DENND6A: variants seen among roughly 807,000 people sequenced by gnomAD.
DENND6A encodes protein DENND6A.
DENND6A carries 43 observed loss-of-function variants against 95.5 expected under a neutral mutation model. That is an observed-to-expected ratio of 0.45 (90% CI 0.35 to 0.58). The LOEUF is 0.58. DENND6A is among the 20% of genes least tolerant of loss of function. The pLI is 0.00. For synonymous variants in DENND6A, 257 were observed against 260.4 expected, an observed-to-expected ratio of 0.99 and a Z score of 0.13; for missense variants, 574 against 736.0, an observed-to-expected ratio of 0.78 and a Z score of 2.55.
In DENND6A at chr3:57,681,356, C is replaced by T. The variant is rs552044647; in HGVS notation, c.238-8918G>A. On this transcript the variant is annotated intron_variant, in intron 1 of 19. Coordinates refer to ENST00000311128, the MANE Select transcript of DENND6A (RefSeq NM_152678.3). The stretch of plus-strand genomic sequence containing the variant: ...GCGGGCACCTGTAGTCCCAGCTACT[C>T]GGGAGGCTAAGGCAGGAGAATGGCA... Among the ~76,000 whole-genome samples the T allele has an allele frequency of 1.4e-4, 22 of 151,880 alleles. No individual in the cohort carries two copies. In the South Asian group the frequency reaches 2.5e-3, roughly 17 times the overall value.
In DENND6A at chr3:57,692,878, G is replaced by C; in HGVS notation, c.141C>G (p.Gly47=). The change falls in exon 1 of 20, where the codon GGC becomes GGG. Residue 47 remains glycine (G), a synonymous_variant. Coordinates refer to ENST00000311128, the MANE Select transcript of DENND6A (RefSeq NM_152678.3). ...CCCAGCGCAGCAGGCCCCGGCCACG[G>C]CCATCGTCCTCTTCATCGTCCTCTG... ...GAPEDDEEDD[G]RGRGLLRWDS... is the part of the protein sequence containing the mutation. 1.3e-6 allele frequency: 2 copies of C among 1,583,546 alleles called. No individual in the cohort carries two copies. Among genetic ancestry groups the C allele is most frequent in the Non-Finnish European group, 1.7e-6 (2 of 1,169,302 alleles).
chr3:57,683,226 C>A (rs2077182324), intron 1 of DENND6A, among the ~76,000 whole-genome samples: 2 of 152,050 alleles, frequency 1.3e-5, no homozygotes, highest in Non-Finnish European at 2.9e-5. Context: ...ATGAGTAATA[C>A]AGATAGAATT....
intron 10 of DENND6A, among the ~76,000 whole-genome samples, chr3:57,646,043 T>A: frequency 6.6e-6 from 1 of 152,274 alleles, no homozygotes; most frequent in South Asian, 2.1e-4. Context: ...CAAGTAATAT[T>A]TATCAAGGAA....
intron 1 of DENND6A, among the ~76,000 whole-genome samples, chr3:57,690,931 T>C (rs2077258587): frequency 6.6e-6 from 1 of 152,190 alleles, no homozygotes; most frequent in South Asian, 2.1e-4. Flanking sequence ...TTCATATTTT[T>C]AAAAGATCCA....
chr3:57,659,928 T>C (rs1350728001), intron 7 of DENND6A, among the ~76,000 whole-genome samples: 1 of 152,230 alleles, frequency 6.6e-6, no homozygotes, highest in East Asian at 1.9e-4. Flanking sequence ...CTGGAGGCAC[T>C]GGCAGGGCCA....
At chr3:57,634,886 C>G in intron 12 of DENND6A, 117 bp from the exon 13 acceptor site, 1 of 804,954 alleles carries the variant, frequency 1.2e-6, no homozygotes, top group Non-Finnish European at 1.8e-6. Context: ...TGAAAGGATT[C>G]TTAACATCTA....
chr3:57,672,489 A>C, intron 1 of DENND6A, 51 bp from the exon 2 acceptor site: 1 of 1,568,550 alleles, frequency 6.4e-7, no homozygotes. Flanking sequence ...CATTAGTTAT[A>C]AACATATTAT....
chr3:57,635,260 T>G (rs1188195441), intron 12 of DENND6A, among the ~76,000 whole-genome samples: 2 of 152,124 alleles, frequency 1.3e-5, no homozygotes, highest in Non-Finnish European at 2.9e-5. Flanking sequence ...GCTTTTCCAT[T>G]ATAGAAACTT....
At chr3:57,663,481 AAAAAAAAT>A (rs1184195729) in intron 5 of DENND6A, among the ~76,000 whole-genome samples, 147 bp downstream of exon 5, 2 of 120,044 alleles carry the variant, frequency 1.7e-5, no homozygotes, top group East Asian at 4.0e-4. Flanking sequence ...AAAAAAAAAA[AAAAAAAAT>A]ATATATATAC....
rs183102447 is a variant in DENND6A, at chr3:57,650,200, C to T, written c.819-3762G>A. On this transcript the variant is annotated intron_variant, in intron 9 of 19. Transcript: ENST00000311128. The stretch of plus-strand genomic sequence containing the variant: ...CATATTGGGTACAGTGTACATTCCT[C>T]GTGTGATGGGTATATCAAAATCTCA... Among the ~76,000 whole-genome samples the T allele has an allele frequency of 7.2e-5, 11 of 151,792 alleles. No individual in the cohort carries two copies. The East Asian group carries it at 1.5e-3, about 21-fold the overall frequency.
At chr3:57,667,186 G>A (rs541011505) in intron 3 of DENND6A, among the ~76,000 whole-genome samples, 2 of 151,892 alleles carry the variant, frequency 1.3e-5, no homozygotes, top group East Asian at 3.9e-4. Flanking sequence ...GTGCCACCAC[G>A]CCTGGCCAAT....
At chr3:57,664,069 T>C (rs2071487148) in intron 4 of DENND6A, among the ~76,000 whole-genome samples, 1 of 152,202 alleles carries the variant, frequency 6.6e-6, no homozygotes, top group Non-Finnish European at 1.5e-5. Flanking sequence ...CTTACATTCT[T>C]TATTCGTATC....
chr3:57,628,996 A>G, intron 18 of DENND6A, 111 bp from the exon 19 acceptor site: 1 of 889,100 alleles, frequency 1.1e-6, no homozygotes, highest in Non-Finnish European at 1.7e-6. Flanking sequence ...AAGGAGAACA[A>G]AGTATTTAAC....
At chr3:57,656,157 G>A (rs935830931) in intron 9 of DENND6A, among the ~76,000 whole-genome samples, 3 of 152,082 alleles carry the variant, frequency 2.0e-5, no homozygotes, top group African/African-American at 4.8e-5. Context: ...ATCACCTCAC[G>A]AAATGCCCGC....
At chr3:57,637,950 A>G (rs1159864877) in intron 12 of DENND6A, among the ~76,000 whole-genome samples, 1 of 152,082 alleles carries the variant, frequency 6.6e-6, no homozygotes, top group Non-Finnish European at 1.5e-5. Context: ...CCTGGCCAAC[A>G]TGGTGAAACC....
At chr3:57,677,445 G>A in intron 1 of DENND6A, among the ~76,000 whole-genome samples, 1 of 6,550 alleles carries the variant, frequency 1.5e-4, no homozygotes, top group Non-Finnish European at 4.1e-4. Context: ...TTTTTTTTTT[G>A]AGACAGAGTC....
chr3:57,687,427 G>T lies in DENND6A; in HGVS notation c.237+5355C>A, dbSNP rs144315794. On this transcript the variant is annotated intron_variant, in intron 1 of 19. Transcript: ENST00000311128. ...TGGTTCATGAGGTTTAAGGAAAGAA[G>T]CTGTCTCCATAACATAAAAGTGCAA... 1.4e-3 allele frequency among the ~76,000 whole-genome samples: 214 copies of T among 152,362 alleles called. 5 individuals carry two copies. The highest frequency in any genetic ancestry group is 3.4e-3 in the Middle Eastern group (1 of 294).
At chr3:57,667,650 A>G (rs1052121322) in intron 3 of DENND6A, among the ~76,000 whole-genome samples, 1 of 152,180 alleles carries the variant, frequency 6.6e-6, no homozygotes, top group Admixed American at 6.6e-5. Context: ...GCTTCTCACA[A>G]TTTATTCCAT....
chr3:57,629,059 TTAGA>T (rs2070599318), intron 18 of DENND6A, among the ~76,000 whole-genome samples, 174 bp from the exon 19 acceptor site: 1 of 152,244 alleles, frequency 6.6e-6, no homozygotes, highest in African/African-American at 2.4e-5. Flanking sequence ...CTAATAACTG[TTAGA>T]TAATTTTCTG....
Sources: gnomAD v4.1 joint callset for allele counts (sites outside exome capture counted in the v4.1 genomes callset) on GRCh38, gnomAD v4.1.1 for gene constraint, MANE v1.5 for transcripts, NCBI Gene and HGNC (gene_info 2026-07-23, HGNC 2026-07-21) for gene names.